Variants in ESRRG observed in about 807,000 individuals in gnomAD.
The protein encoded by ESRRG is estrogen related receptor gamma.
Under a neutral mutation model 44.0 loss-of-function variants are expected in ESRRG, and 13 were observed. The observed-to-expected ratio is 0.30, with a 90% CI of 0.19 to 0.47. The LOEUF (loss-of-function observed/expected upper bound fraction) is 0.47, where lower values mean the gene tolerates loss of function less well. ESRRG is among the 20% of genes least tolerant of loss of function. The pLI, the probability that ESRRG is intolerant of heterozygous loss-of-function variation, is 1.00. For missense variants in ESRRG, 395 were observed against 580.6 expected (o/e 0.68, Z 3.29); for synonymous variants, 215 against 214.6 (o/e 1.00, Z -0.02).
rs530478760 is a variant in ESRRG, at chr1:216,579,705, A to T, written c.590-11607T>A. Reference sequence around the variant, plus strand: ...GGCAATTGCCAGTCTAGTCAACATGATCCTCAATGCAAGGATGCATCTCTA... The same window carrying T: ...GGCAATTGCCAGTCTAGTCAACATGTTCCTCAATGCAAGGATGCATCTCTA... On this transcript the variant is annotated intron_variant, in intron 3 of 6. Transcript: ENST00000408911. Among the ~76,000 whole-genome samples, 12 of 152,254 alleles carry T rather than the reference A, an allele frequency of 7.9e-5. No homozygotes were observed. In the South Asian group the frequency reaches 2.5e-3, roughly 32 times the overall value.
At chr1:216,596,603 T>G (rs1029460507) in intron 3 of ESRRG, among the ~76,000 whole-genome samples, 2 of 152,164 alleles carry the variant, frequency 1.3e-5, no homozygotes. Flanking sequence ...ATTAAACATT[T>G]GCATTCACTT....
At chr1:217,086,938 T>A (rs1580522515) in intron 1 of ESRRG, among the ~76,000 whole-genome samples, 1 of 152,002 alleles carries the variant, frequency 6.6e-6, no homozygotes, top group East Asian at 1.9e-4. Context: ...TTTAAAAGAC[T>A]AAAGCTACTT....
intron 5 of ESRRG, among the ~76,000 whole-genome samples, chr1:216,522,486 AT>A (rs2046392109): frequency 2.6e-5 from 4 of 151,988 alleles, no homozygotes; most frequent in Admixed American, 2.6e-4. Context: ...GCTGGCTCTC[AT>A]TTTACCCCTT....
intron 1 of ESRRG, among the ~76,000 whole-genome samples, chr1:217,040,287 T>C (rs1018073506): frequency 3.9e-5 from 6 of 152,162 alleles, no homozygotes; most frequent in African/African-American, 1.4e-4. Context: ...GAGTTCAAAT[T>C]CTGTCTCTTC....
At chr1:217,038,296 T>G (rs2083271131) in intron 1 of ESRRG, among the ~76,000 whole-genome samples, 1 of 152,210 alleles carries the variant, frequency 6.6e-6, no homozygotes, top group South Asian at 2.1e-4. Context: ...TTTCCATACC[T>G]CCTATGAAAT....
At chr1:216,920,606 T>C (rs2061719960) in intron 2 of ESRRG, among the ~76,000 whole-genome samples, 1 of 152,218 alleles carries the variant, frequency 6.6e-6, no homozygotes, top group African/African-American at 2.4e-5. Context: ...TATATCATCT[T>C]GTGGTGGTTT....
intron 3 of ESRRG, among the ~76,000 whole-genome samples, chr1:216,610,253 G>A (rs924682351): frequency 7.6e-5 from 11 of 145,398 alleles, no homozygotes; most frequent in African/African-American, 2.8e-4. Context: ...TTCTAAAGAT[G>A]CTGCCATTGC....
chr1:216,668,547 C>T (rs1241543420), intron 2 of ESRRG, among the ~76,000 whole-genome samples: 11 of 152,292 alleles, frequency 7.2e-5, no homozygotes, highest in African/African-American at 2.2e-4. Flanking sequence ...AGGATCATTA[C>T]ATTTTATTCT....
At chr1:216,668,958 T>C (rs1440979622) in intron 2 of ESRRG, among the ~76,000 whole-genome samples, 1 of 152,238 alleles carries the variant, frequency 6.6e-6, no homozygotes, top group Admixed American at 6.5e-5. Flanking sequence ...AAAATCTTTT[T>C]CATCAATGTT....
intron 3 of ESRRG, among the ~76,000 whole-genome samples, chr1:216,588,867 G>A (rs896548361): frequency 6.6e-5 from 10 of 152,096 alleles, no homozygotes; most frequent in African/African-American, 1.9e-4. Flanking sequence ...GGAATCTATC[G>A]GGTACTTCTC....
intron 2 of ESRRG, among the ~76,000 whole-genome samples, chr1:216,834,026 C>T (rs2095526560): frequency 6.6e-6 from 1 of 152,192 alleles, no homozygotes; most frequent in African/African-American, 2.4e-5. Context: ...AACAACAGCG[C>T]TGCAGTGAGG....
intron 3 of ESRRG, among the ~76,000 whole-genome samples, chr1:216,614,693 TTGAAAGAGTTG>T (rs1203939736): frequency 6.6e-6 from 1 of 152,216 alleles, no homozygotes; most frequent in African/African-American, 2.4e-5. Context: ...GAGAAGAGTC[TTGAAAGAGTTG>T]GTTCTAAAAA....
Position 216,765,016 on chromosome 1 carries a change from G to A in ESRRG, c.-13-87525C>T, listed in dbSNP as rs143832989. On this transcript the variant is annotated intron_variant, in intron 2 of 7. Coordinates refer to the ESRRG transcript ENST00000359162. ...TCCAGAACAAGGCTTGGTGAGGGCC[G>A]GGGGCAGTAATCTGGAGTATAAATA... Among the ~76,000 whole-genome samples, 1,010 of 152,118 alleles carry A rather than the reference G, an allele frequency of 6.6e-3. 18 individuals carry two copies. Among genetic ancestry groups the A allele is most frequent in the African/African-American group, 0.023 (962 of 41,510 alleles).
At chr1:217,054,926 T>C (rs2086785958) in intron 1 of ESRRG, among the ~76,000 whole-genome samples, 1 of 152,170 alleles carries the variant, frequency 6.6e-6, no homozygotes, top group Admixed American at 6.6e-5. Flanking sequence ...CAGACTCTGG[T>C]TGTGATTGTA....
At chr1:216,793,901 T>C (rs921548326) in intron 2 of ESRRG, among the ~76,000 whole-genome samples, 1 of 152,152 alleles carries the variant, frequency 6.6e-6, no homozygotes, top group Non-Finnish European at 1.5e-5. Context: ...CTTCCTGTTT[T>C]TATCATTAAA....
At chr1:216,849,764 C>T (rs2095813372) in intron 2 of ESRRG, among the ~76,000 whole-genome samples, 1 of 152,078 alleles carries the variant, frequency 6.6e-6, no homozygotes, top group African/African-American at 2.4e-5. Flanking sequence ...TCAGTATCTT[C>T]CCAATAGCAC....
At chr1:217,066,410 T>A (rs2089703353) in intron 1 of ESRRG, among the ~76,000 whole-genome samples, 1 of 146,078 alleles carries the variant, frequency 6.8e-6, no homozygotes, top group South Asian at 2.2e-4. Context: ...GCCCACTAAT[T>A]TTTTGTATTT....
chr1:217,062,861 T>C (rs2088839419), intron 1 of ESRRG, among the ~76,000 whole-genome samples: 1 of 152,170 alleles, frequency 6.6e-6, no homozygotes, highest in Non-Finnish European at 1.5e-5. Flanking sequence ...CCTTCCAGGA[T>C]TCTGGTGAAG....
chr1:217,017,478 C>CAAAAAAAAAAAA (rs55820027), intron 1 of ESRRG, among the ~76,000 whole-genome samples: 3 of 82,504 alleles, frequency 3.6e-5, no homozygotes, highest in Non-Finnish European at 7.1e-5. Flanking sequence ...CTACATAACT[C>CAAAAAAAAAAAA]AAAAAAAAAA....
Sources: allele counts gnomAD v4.1 joint callset (sites outside exome capture counted in the v4.1 genomes callset), GRCh38; gene constraint gnomAD v4.1.1; transcripts MANE v1.5; gene names NCBI Gene and HGNC (gene_info 2026-07-23, HGNC 2026-07-21).